DMXL2: variants seen among roughly 807,000 people sequenced by gnomAD.
The protein encoded by DMXL2 is dmX-like protein 2.
A neutral mutation model predicts 331.1 loss-of-function variants in DMXL2; 103 were observed. That is an observed-to-expected ratio of 0.31 (90% CI 0.27 to 0.37). The LOEUF (loss-of-function observed/expected upper bound fraction) is 0.37. DMXL2 is among the 10% of genes least tolerant of loss of function. The pLI is 1.00. For synonymous variants in DMXL2, 1,281 were observed against 1,252.1 expected, an observed-to-expected ratio of 1.02 and a Z score of -0.49; for missense variants, 3,171 against 3,642.9, an observed-to-expected ratio of 0.87 and a Z score of 3.33.
At chr15:51,602,626 C>T (rs546723562) in intron 1 of DMXL2, among the ~76,000 whole-genome samples, 1 of 152,290 alleles carries the variant, frequency 6.6e-6, no homozygotes, top group South Asian at 2.1e-4. Flanking sequence ...TAATCTTAAG[C>T]TTAAACAGCA....
At chr15:51,481,697 G>T in intron 23 of DMXL2, 74 bp from the exon 24 acceptor site, 1 of 1,364,372 alleles carries the variant, frequency 7.3e-7, no homozygotes, top group Non-Finnish European at 9.9e-7. Context: ...AATAAAATAC[G>T]TCAGCATTTC....
intron 26 of DMXL2, among the ~76,000 whole-genome samples, 172 bp from the exon 27 acceptor site, chr15:51,476,891 T>A (rs2041626870): frequency 6.6e-6 from 1 of 152,142 alleles, no homozygotes; most frequent in Non-Finnish European, 1.5e-5. Context: ...TACAAATGCT[T>A]ATTGTTTCTT....
intron 2 of DMXL2, among the ~76,000 whole-genome samples, chr15:51,573,602 A>C (rs529493555): frequency 3.9e-5 from 6 of 152,254 alleles, no homozygotes; most frequent in African/African-American, 7.2e-5. Context: ...ACAAACAGAA[A>C]ACCAAACAAT....
chr15:51,479,748 T>A (rs1256178135), intron 25 of DMXL2, among the ~76,000 whole-genome samples, 200 bp downstream of exon 25: 1 of 152,208 alleles, frequency 6.6e-6, no homozygotes, highest in African/African-American at 2.4e-5. Flanking sequence ...TTTGTCTGTC[T>A]TAAAGGAAGA....
intron 23 of DMXL2, 63 bp from the exon 24 acceptor site, chr15:51,481,686 C>T (rs2042020058): frequency 2.1e-6 from 3 of 1,406,362 alleles, no homozygotes; most frequent in Non-Finnish European, 2.9e-6. Context: ...CATTACAAAA[C>T]AATAAAATAC....
chr15:51,484,892 G>T (rs557007500), intron 23 of DMXL2, among the ~76,000 whole-genome samples: 1 of 151,918 alleles, frequency 6.6e-6, no homozygotes, highest in East Asian at 1.9e-4. Context: ...TCATACAAAA[G>T]AACCAAACAG....
At chr15:51,538,084 T>C in intron 10 of DMXL2, 129 bp downstream of exon 10, 1 of 1,209,474 alleles carries the variant, frequency 8.3e-7, no homozygotes, top group Non-Finnish European at 1.2e-6. Flanking sequence ...AGATGGTCAG[T>C]AAATACTTGT....
At chr15:51,544,426 C>A (rs138880960) in intron 8 of DMXL2, among the ~76,000 whole-genome samples, 273 of 152,298 alleles carry the variant, frequency 1.8e-3, no homozygotes, top group Non-Finnish European at 3.5e-3. Flanking sequence ...AGAAGCCAAC[C>A]AGATTCTGGT....
intron 15 of DMXL2, among the ~76,000 whole-genome samples, chr15:51,511,397 C>T (rs1474066810): frequency 6.6e-6 from 1 of 152,214 alleles, no homozygotes; most frequent in Non-Finnish European, 1.5e-5. Context: ...ACAGACACTT[C>T]TCAAAAGAAC....
chr15:51,550,391 T>C (rs2049140812), intron 6 of DMXL2, among the ~76,000 whole-genome samples: 2 of 152,130 alleles, frequency 1.3e-5, no homozygotes, highest in African/African-American at 4.8e-5. Context: ...CAACTTATAA[T>C]TGTATACATT....
Position 51,502,306 on chromosome 15 carries a change from T to TTGTGTGTGTGTGTGTGTGTGTGTGTGTG in DMXL2, c.2992+472_2992+499dup, listed in dbSNP as rs769283309. 1.5e-3 allele frequency among the ~76,000 whole-genome samples: 217 copies of TTGTGTGTGTGTGTGTGTGTGTGTGTGTG among 140,604 alleles called. 3 individuals carry two copies. The highest frequency in any genetic ancestry group is 0.011 in the East Asian group (51 of 4,730). 92.2% of individuals were successfully genotyped at this position (140,604 alleles called of 152,430 possible). ...ATTTATCACAGGAAATTTTGTGGGT[T>TTGTGTGTGTGTGTGTGTGTGTGTGTGTG]TGTGTGTGTGTGTGTGTGTGTGTGT... On this transcript the variant is annotated intron_variant, in intron 17 of 43. Coordinates refer to ENST00000560891, the MANE Select transcript of DMXL2 (RefSeq NM_001378457.1).
chr15:51,510,639 T>C (rs1475737525), intron 15 of DMXL2, among the ~76,000 whole-genome samples: 1 of 152,138 alleles, frequency 6.6e-6, no homozygotes, highest in Non-Finnish European at 1.5e-5. Context: ...ATAGATTCAA[T>C]GCTATCCCCA....
At chr15:51,508,329 T>C (rs1467523685) in intron 15 of DMXL2, among the ~76,000 whole-genome samples, 2 of 152,088 alleles carry the variant, frequency 1.3e-5, no homozygotes, top group Non-Finnish European at 2.9e-5. Flanking sequence ...AGTATAATAA[T>C]AATTTTTAAA....
Position 51,601,334 on chromosome 15 carries a change from A to T in DMXL2, c.87+21125T>A, listed in dbSNP as rs537533364. On this transcript the variant is annotated intron_variant, in intron 1 of 43. Coordinates refer to ENST00000560891, the MANE Select transcript of DMXL2 (RefSeq NM_001378457.1). Reference sequence around the variant, plus strand: ...TTGATGTTTTAAGAAATCTTTTGCAACCTCAAGGTTAGCAATACATTTTCC... The same window carrying T: ...TTGATGTTTTAAGAAATCTTTTGCATCCTCAAGGTTAGCAATACATTTTCC... Among the ~76,000 whole-genome samples the T allele has an allele frequency of 7.2e-5, 11 of 152,032 alleles. No homozygotes were observed. In the South Asian group the frequency reaches 1.9e-3, roughly 26 times the overall value.
chr15:51,458,383 T>C (rs1595887866), intron 36 of DMXL2, 123 bp downstream of exon 36: 2 of 1,044,860 alleles, frequency 1.9e-6, no homozygotes, highest in African/African-American at 1.6e-5. Flanking sequence ...CCAATTATAT[T>C]TGTCACCTAC....
chr15:51,547,246 T>C lies in DMXL2; in HGVS notation c.730A>G (p.Ser244Gly), dbSNP rs759971495. The C allele has an allele frequency of 6.2e-7, 1 of 1,610,404 alleles. No individual in the cohort carries two copies. The highest frequency in any genetic ancestry group is 1.1e-5 in the South Asian group (1 of 90,448). Residue 244 changes from serine to glycine, a missense_variant, in exon 7 of 44, where the codon AGC (serine) becomes GGC (glycine). Ser to Gly is a moderately conservative substitution (Grantham distance 56). Coordinates refer to ENST00000560891, the MANE Select transcript of DMXL2 (RefSeq NM_001378457.1). ...TCATCTAACCTGGGCATATACTTGC[T>C]AGTTTTGCGCCACGAAAAACCTGTC... The part of the protein sequence containing the change: ...AVTGFSWRKT[S>G]KYMPRGSVCN...
intron 41 of DMXL2, 24 bp downstream of exon 41, chr15:51,453,526 T>TA: frequency 6.5e-7 from 1 of 1,545,224 alleles, no homozygotes; most frequent in Non-Finnish European, 8.8e-7. Context: ...TTATATTTCT[T>TA]ACTTTGCTTT....
intron 24 of DMXL2, 64 bp downstream of exon 24, chr15:51,480,478 A>G (rs1328565102): frequency 3.4e-6 from 5 of 1,463,646 alleles, no homozygotes; most frequent in South Asian, 1.6e-5. Context: ...CTTTATAGCT[A>G]TAACTGGAAG....
At chr15:51,516,349 T>C (rs142972988) in intron 14 of DMXL2, among the ~76,000 whole-genome samples, 7 of 152,328 alleles carry the variant, frequency 4.6e-5, no homozygotes, top group African/African-American at 1.4e-4. Flanking sequence ...ACAAAGGACC[T>C]GTGATTAAAA....
Sources: allele counts gnomAD v4.1 joint callset (sites outside exome capture counted in the v4.1 genomes callset), GRCh38; gene constraint gnomAD v4.1.1; transcripts MANE v1.5; gene names NCBI Gene and HGNC (gene_info 2026-07-23, HGNC 2026-07-21).